CHN2: variants seen among roughly 807,000 people sequenced by gnomAD.
The protein encoded by CHN2 is beta-chimaerin.
In CHN2, 35 loss-of-function variants were observed where a neutral mutation model predicts 56.3. The observed-to-expected ratio is 0.62, with a 90% CI of 0.47 to 0.82. The LOEUF is 0.82. Among genes scored for constraint, CHN2 ranks in the 40% least tolerant of loss-of-function variants. CHN2 has a pLI of 0.00. For synonymous variants in CHN2, 210 were observed against 212.8 expected, an observed-to-expected ratio of 0.99 and a Z score of 0.12; for missense variants, 491 against 580.5, an observed-to-expected ratio of 0.85 and a Z score of 1.58.
intron 5 of CHN2, among the ~76,000 whole-genome samples, chr7:29,399,113 G>T (rs73078595): frequency 7.2e-5 from 11 of 152,110 alleles, no homozygotes; most frequent in Admixed American, 3.9e-4. Context: ...TTCCTCAGCC[G>T]CAGATGCTAT....
chr7:29,284,586 A>G (rs928619509), intron 1 of CHN2, among the ~76,000 whole-genome samples: 5 of 152,208 alleles, frequency 3.3e-5, no homozygotes, highest in Non-Finnish European at 5.9e-5. Context: ...TAGCAAGGAA[A>G]TGGGGACCTC....
At chr7:29,508,667 G>A (rs1200922246) in intron 11 of CHN2, among the ~76,000 whole-genome samples, 1 of 152,060 alleles carries the variant, frequency 6.6e-6, no homozygotes, top group Admixed American at 6.6e-5. Context: ...TTTTCTTTGA[G>A]TAGCTGCCAG....
intron 1 of CHN2, among the ~76,000 whole-genome samples, chr7:29,317,157 G>A (rs367958259): frequency 6.6e-6 from 1 of 152,310 alleles, no homozygotes; most frequent in East Asian, 1.9e-4. Context: ...AATTAAGTGG[G>A]CACCAAGGGA....
intron 1 of CHN2, among the ~76,000 whole-genome samples, chr7:29,224,618 C>T (rs915825377): frequency 6.6e-6 from 1 of 152,154 alleles, no homozygotes; most frequent in African/African-American, 2.4e-5. Context: ...AATGTTATAT[C>T]TTCTCTGTTT....
intron 1 of CHN2, among the ~76,000 whole-genome samples, chr7:29,341,684 A>C (rs929103003): frequency 1.3e-5 from 2 of 152,180 alleles, no homozygotes; most frequent in African/African-American, 4.8e-5. Flanking sequence ...CAGAAAATTA[A>C]ATAATGTCAT....
intron 6 of CHN2, among the ~76,000 whole-genome samples, chr7:29,446,616 G>A (rs1362099260): frequency 5.3e-5 from 8 of 152,284 alleles, no homozygotes; most frequent in East Asian, 1.9e-4. Context: ...GAGTTCACAC[G>A]ACCCGGTAAG....
At chr7:29,395,739 A>C (rs1165051947) in intron 4 of CHN2, among the ~76,000 whole-genome samples, 1 of 152,224 alleles carries the variant, frequency 6.6e-6, no homozygotes, top group Non-Finnish European at 1.5e-5. Flanking sequence ...AAAATGATGC[A>C]TAAAGGGGAT....
intron 6 of CHN2, among the ~76,000 whole-genome samples, chr7:29,406,539 C>T (rs1210984644): frequency 1.3e-5 from 2 of 152,114 alleles, no homozygotes; most frequent in African/African-American, 4.8e-5. Context: ...TTGAATAGAA[C>T]CTGCCACACT....
intron 1 of CHN2, chr7:29,335,934 T>C (rs1037808668): frequency 6.6e-6 from 1 of 152,276 alleles, no homozygotes; most frequent in African/African-American, 2.4e-5. Context: ...GCTTTGGTGC[T>C]GAGGAGAGTA....
rs911074488 is a variant in CHN2, at chr7:29,512,894, T to C, written c.*159T>C. The stretch of plus-strand genomic sequence containing the variant: ...AGTGGGGTACTGTGTCTCATAGACA[T>C]GCGCCACCTCCACGTGAGAACAAGG... On this transcript the variant is annotated 3_prime_UTR_variant, in exon 13 of 13. Coordinates refer to ENST00000222792, the MANE Select transcript of CHN2 (RefSeq NM_004067.4). 5.7e-6 allele frequency: 4 copies of C among 704,370 alleles called. No individual in the cohort carries two copies. Among genetic ancestry groups the C allele is most frequent in the Non-Finnish European group, 9.1e-6 (4 of 440,576 alleles). The allele number at this position is 704,370 out of a possible 1,614,324, so 43.6% of individuals were successfully genotyped here.
chr7:29,455,703 G>A (rs184770708), intron 6 of CHN2, among the ~76,000 whole-genome samples: 2 of 152,300 alleles, frequency 1.3e-5, no homozygotes, highest in East Asian at 1.9e-4. Flanking sequence ...GGGTGTCATG[G>A]GCTATTTGAT....
intron 1 of CHN2, among the ~76,000 whole-genome samples, chr7:29,271,265 C>T (rs936033705): frequency 6.6e-6 from 1 of 152,154 alleles, no homozygotes; most frequent in Non-Finnish European, 1.5e-5. Context: ...AGTTCAAGGC[C>T]CTGGTCATTG....
At chr7:29,416,030 C>G (rs574313851) in intron 6 of CHN2, among the ~76,000 whole-genome samples, 1 of 152,152 alleles carries the variant, frequency 6.6e-6, no homozygotes, top group Non-Finnish European at 1.5e-5. Context: ...CATTATTCCA[C>G]GGGGTTGGAT....
intron 12 of CHN2, chr7:29,509,660 C>A (rs530661895): frequency 4.4e-5 from 12 of 271,514 alleles, no homozygotes; most frequent in Admixed American, 1.9e-4. Flanking sequence ...CTGGCTAACA[C>A]GGTGAAACCC....
intron 10 of CHN2, among the ~76,000 whole-genome samples, chr7:29,505,467 C>T (rs1445132186): frequency 2.0e-5 from 3 of 152,020 alleles, no homozygotes; most frequent in Non-Finnish European, 4.4e-5. Context: ...GTGAGGTAGC[C>T]CTCCCTCTCT....
At chr7:29,345,261 A>G (rs1448053553) in intron 1 of CHN2, among the ~76,000 whole-genome samples, 2 of 152,236 alleles carry the variant, frequency 1.3e-5, no homozygotes, top group Non-Finnish European at 2.9e-5. Context: ...GGAGGACAAG[A>G]TAAATAGGTT....
At chr7:29,269,806 C>G (rs114044404) in intron 1 of CHN2, among the ~76,000 whole-genome samples, 14 of 152,318 alleles carry the variant, frequency 9.2e-5, no homozygotes, top group Admixed American at 8.5e-4. Context: ...GGGCTGGGAA[C>G]GGTGTGGCTC....
At chr7:29,453,389 CCTGGA>C (rs1228197396) in intron 6 of CHN2, among the ~76,000 whole-genome samples, 9 of 152,104 alleles carry the variant, frequency 5.9e-5, no homozygotes, top group African/African-American at 2.2e-4. Flanking sequence ...CACCAGGCAG[CCTGGA>C]TTTGAGTGTC....
At chr7:29,272,540 T>TTAG (rs10642223) in intron 1 of CHN2, among the ~76,000 whole-genome samples, 13,004 of 152,160 alleles carry the variant, frequency 0.085, 889 homozygotes, top group African/African-American at 0.19. Flanking sequence ...TCTGAAGCCC[T>TTAG]ATGCTTGTCT....
Sources: gnomAD v4.1 joint callset for allele counts (sites outside exome capture counted in the v4.1 genomes callset) on GRCh38, gnomAD v4.1.1 for gene constraint, MANE v1.5 for transcripts, NCBI Gene and HGNC (gene_info 2026-07-23, HGNC 2026-07-21) for gene names.